The following PLEKHG1 variants were observed in gnomAD, a reference collection of about 807,000 sequenced individuals.
PLEKHG1 encodes the protein pleckstrin homology and RhoGEF domain containing G1.
Under a neutral mutation model 100.8 loss-of-function variants are expected in PLEKHG1, and 44 were observed. The ratio of observed to expected loss-of-function variants is 0.44; its 90% CI spans 0.34 to 0.56. PLEKHG1 has a LOEUF of 0.56. PLEKHG1 is among the 20% of genes least tolerant of loss of function. The pLI, the probability that PLEKHG1 is intolerant of heterozygous loss-of-function variation, is 0.01. For synonymous variants in PLEKHG1, 640 were observed against 662.5 expected (o/e 0.97, Z 0.52); for missense variants, 1,545 against 1,720.9 (o/e 0.90, Z 1.81).
At chr6:150,688,990 A>G (rs1204095120) in intron 3 of PLEKHG1, among the ~76,000 whole-genome samples, 1 of 152,186 alleles carries the variant, frequency 6.6e-6, no homozygotes, top group East Asian at 1.9e-4. Context: ...ATAACTTTTT[A>G]TCACCCCAAA....
chr6:150,777,963 C>T (rs1785086636), intron 3 of PLEKHG1, among the ~76,000 whole-genome samples: 1 of 152,262 alleles, frequency 6.6e-6, no homozygotes, highest in Non-Finnish European at 1.5e-5. Context: ...GCATTCCAGG[C>T]CCCGACTGTG....
chr6:150,761,438 G>C (rs1403461869), intron 2 of PLEKHG1, among the ~76,000 whole-genome samples: 3 of 152,134 alleles, frequency 2.0e-5, no homozygotes, highest in African/African-American at 7.2e-5. Context: ...CTCTCGAGTA[G>C]CTGATATTAC....
chr6:150,740,778 G>C (rs899263040), intron 2 of PLEKHG1, among the ~76,000 whole-genome samples: 1 of 152,084 alleles, frequency 6.6e-6, no homozygotes, highest in African/African-American at 2.4e-5. Flanking sequence ...TTATCGTAAC[G>C]GGTGAATGAG....
intron 1 of PLEKHG1, among the ~76,000 whole-genome samples, chr6:150,726,836 C>T (rs1781985754): frequency 6.6e-6 from 1 of 152,150 alleles, no homozygotes; most frequent in African/African-American, 2.4e-5. Flanking sequence ...AGTGAAAATC[C>T]ATATTGCTGT....
At chr6:150,632,396 C>A (rs960110253) in intron 1 of PLEKHG1, among the ~76,000 whole-genome samples, 1 of 152,224 alleles carries the variant, frequency 6.6e-6, no homozygotes, top group Non-Finnish European at 1.5e-5. Context: ...CTTTTATCAT[C>A]GGCCTTGGCC....
chr6:150,828,200 T>G (rs1776721334), intron 14 of PLEKHG1: 1 of 1,613,934 alleles, frequency 6.2e-7, no homozygotes, highest in Non-Finnish European at 8.5e-7. Context: ...CTCAGTTTAT[T>G]GGTCCTCTGA....
At chr6:150,760,076 T>A (rs936181194) in intron 2 of PLEKHG1, among the ~76,000 whole-genome samples, 4 of 152,214 alleles carry the variant, frequency 2.6e-5, no homozygotes, top group African/African-American at 9.6e-5. Flanking sequence ...ATAATGTACA[T>A]TTATTTTACT....
At chr6:150,614,695 C>G (rs1216214808) in intron 1 of PLEKHG1, among the ~76,000 whole-genome samples, 1 of 152,158 alleles carries the variant, frequency 6.6e-6, no homozygotes, top group Non-Finnish European at 1.5e-5. Flanking sequence ...ACTCTCCCTC[C>G]CTCTCTCTCA....
rs199918984 is a variant in PLEKHG1, at chr6:150,679,816, GA to G, written c.-99+29039del. Reference sequence around the variant, plus strand: ...CATTGTAATTATAAATGCCATAAAGGAAAAAAAAATACAGGTAGGCATTGTC... The same window carrying G: ...CATTGTAATTATAAATGCCATAAAGGAAAAAAAATACAGGTAGGCATTGTC... On this transcript the variant is annotated intron_variant, in intron 3 of 3. Transcript: ENST00000367326. Among the ~76,000 whole-genome samples, 93 of 151,158 alleles carry G rather than the reference GA, an allele frequency of 6.2e-4. 1 individual carries two copies. In the East Asian group the frequency reaches 0.01, roughly 17 times the overall value.
chr6:150,790,201 T>G (rs939895881), intron 4 of PLEKHG1, among the ~76,000 whole-genome samples: 2 of 152,000 alleles, frequency 1.3e-5, no homozygotes, highest in Non-Finnish European at 2.9e-5. Flanking sequence ...TTGTATTTAT[T>G]TTTTTAGTAG....
chr6:150,802,741 A>C (rs1583160622), intron 6 of PLEKHG1, among the ~76,000 whole-genome samples: 1 of 150,490 alleles, frequency 6.6e-6, no homozygotes, highest in Non-Finnish European at 1.5e-5. Context: ...GCTCACTGCA[A>C]CCTCCGCCTC....
intron 7 of PLEKHG1, among the ~76,000 whole-genome samples, chr6:150,808,132 T>A (rs967768046): frequency 2.6e-5 from 4 of 152,218 alleles, no homozygotes; most frequent in African/African-American, 9.6e-5. Flanking sequence ...TTTACCCTGA[T>A]GTGTTTATTA....
At chr6:150,661,021 C>T (rs1388117219) in intron 3 of PLEKHG1, among the ~76,000 whole-genome samples, 2 of 152,068 alleles carry the variant, frequency 1.3e-5, no homozygotes, top group Admixed American at 6.5e-5. Flanking sequence ...ATTCTTCCTT[C>T]GTGGGGTCAA....
At chr6:150,677,031 T>C (rs1779779073) in intron 3 of PLEKHG1, among the ~76,000 whole-genome samples, 1 of 151,938 alleles carries the variant, frequency 6.6e-6, no homozygotes, top group African/African-American at 2.4e-5. Flanking sequence ...CTATAGGCAT[T>C]CTCCCTGCGC....
chr6:150,830,083 G>A (rs1421829642), intron 14 of PLEKHG1, among the ~76,000 whole-genome samples: 1 of 152,118 alleles, frequency 6.6e-6, no homozygotes, highest in Non-Finnish European at 1.5e-5. Flanking sequence ...ATGCTTTGGG[G>A]CAAGGGGTTT....
intron 3 of PLEKHG1, among the ~76,000 whole-genome samples, chr6:150,660,759 A>G (rs954331068): frequency 6.6e-6 from 1 of 152,228 alleles, no homozygotes; most frequent in South Asian, 2.1e-4. Flanking sequence ...ATTTGGAACA[A>G]GTTGTAGGTA....
At chr6:150,816,468 C>G (rs1398147704) in intron 10 of PLEKHG1, among the ~76,000 whole-genome samples, 3 of 148,802 alleles carry the variant, frequency 2.0e-5, no homozygotes, top group African/African-American at 7.4e-5. Flanking sequence ...GCTGGGATGT[C>G]AGGCACACAC....
chr6:150,838,268 G>A (rs1222807145), intron 15 of PLEKHG1, among the ~76,000 whole-genome samples: 11 of 152,206 alleles, frequency 7.2e-5, no homozygotes, highest in Non-Finnish European at 1.3e-4. Flanking sequence ...GTGTCAATAT[G>A]GTCTGAGCAA....
At chr6:150,681,598 T>C (rs1779935424) in intron 3 of PLEKHG1, among the ~76,000 whole-genome samples, 1 of 152,188 alleles carries the variant, frequency 6.6e-6, no homozygotes, top group Admixed American at 6.5e-5. Context: ...TTCTTTGTAT[T>C]GAGAATTCTA....
Sources: allele counts gnomAD v4.1 joint callset (sites outside exome capture counted in the v4.1 genomes callset), GRCh38; gene constraint gnomAD v4.1.1; transcripts MANE v1.5; gene names NCBI Gene and HGNC (gene_info 2026-07-23, HGNC 2026-07-21).